The following MOGAT1 variants were observed in gnomAD, a reference collection of about 807,000 sequenced individuals.
The protein encoded by MOGAT1 is 2-acylglycerol O-acyltransferase 1.
Under a neutral mutation model 31.4 loss-of-function variants are expected in MOGAT1, and 32 were observed. That is an observed-to-expected ratio of 1.02 (90% CI 0.77 to 1.37). The LOEUF (loss-of-function observed/expected upper bound fraction) is 1.37. Ranked by LOEUF, MOGAT1 falls within the 40% of genes most tolerant of loss-of-function variation. The pLI is 0.00. For synonymous variants in MOGAT1, 145 were observed against 144.5 expected (o/e 1.00, Z -0.03); for missense variants, 426 against 402.0 (o/e 1.06, Z -0.51).
intron 1 of MOGAT1, among the ~76,000 whole-genome samples, chr2:222,684,758 G>T (rs1305258769): frequency 6.6e-6 from 1 of 151,988 alleles, no homozygotes; most frequent in African/African-American, 2.4e-5. Context: ...TGTATTTTTA[G>T]TAGAGACGGG....
At chr2:222,683,863 C>G (rs1692622832) in intron 1 of MOGAT1, among the ~76,000 whole-genome samples, 1 of 152,182 alleles carries the variant, frequency 6.6e-6, no homozygotes, top group Admixed American at 6.5e-5. Context: ...TAAATCAACC[C>G]AGCTAAAATT....
chr2:222,673,621 G>A (rs1228470283), intron 1 of MOGAT1, among the ~76,000 whole-genome samples: 1 of 152,166 alleles, frequency 6.6e-6, no homozygotes, highest in Admixed American at 6.5e-5. Context: ...TGGTAGAGCT[G>A]GTTTCAAACC....
intron 1 of MOGAT1, 74 bp downstream of exon 1, chr2:222,671,953 C>T (rs55654416): frequency 0.026 from 31,042 of 1,215,182 alleles, 1,030 homozygotes; most frequent in African/African-American, 0.15. Context: ...ATTCCAGGAC[C>T]TGCATAGAAC....
intron 1 of MOGAT1, among the ~76,000 whole-genome samples, chr2:222,676,325 A>G (rs1692497183): frequency 6.6e-6 from 1 of 151,658 alleles, no homozygotes; most frequent in Admixed American, 6.6e-5. Flanking sequence ...ATTAGTTTGC[A>G]TTTTCTAGAG....
At chr2:222,702,864 C>T (rs1692946800) in intron 5 of MOGAT1, among the ~76,000 whole-genome samples, 1 of 149,752 alleles carries the variant, frequency 6.7e-6, no homozygotes, top group African/African-American at 2.4e-5. Context: ...AAACAAAAAA[C>T]TGACTAAGTA....
chr2:222,686,999 C>T (rs1362407209), intron 1 of MOGAT1, among the ~76,000 whole-genome samples: 3 of 150,422 alleles, frequency 2.0e-5, no homozygotes, highest in Non-Finnish European at 4.4e-5. Flanking sequence ...CTATAATCCT[C>T]GCTACCTGGA....
At chr2:222,691,111 C>T (rs76770269) in intron 3 of MOGAT1, among the ~76,000 whole-genome samples, 2,932 of 152,228 alleles carry the variant, frequency 0.019, 67 homozygotes, top group African/African-American at 0.054. Flanking sequence ...CCGTATAGTG[C>T]CCCTACAGCC....
At chr2:222,707,417 G>A (rs1693022229) in intron 5 of MOGAT1, among the ~76,000 whole-genome samples, 1 of 151,296 alleles carries the variant, frequency 6.6e-6, no homozygotes, top group Non-Finnish European at 1.5e-5. Flanking sequence ...AGGGAGGGAA[G>A]GGAGGGAAGG....
chr2:222,689,982 C>T (rs1162807604), intron 3 of MOGAT1, among the ~76,000 whole-genome samples: 3 of 151,810 alleles, frequency 2.0e-5, no homozygotes, highest in Admixed American at 6.5e-5. Flanking sequence ...AGGCCGGGCG[C>T]GGTGGCTCAC....
chr2:222,698,397 G>C (rs181379295), intron 5 of MOGAT1, among the ~76,000 whole-genome samples: 58 of 152,304 alleles, frequency 3.8e-4, no homozygotes, highest in African/African-American at 1.3e-3. Context: ...AGATTTCTGA[G>C]GCTGGTTGGT....
At chr2:222,689,138 C>T in intron 2 of MOGAT1, 127 bp from the exon 3 acceptor site, 1 of 818,096 alleles carries the variant, frequency 1.2e-6, no homozygotes, top group Non-Finnish European at 1.9e-6. Flanking sequence ...ACAGCTCCAA[C>T]CCAGGGAACA....
intron 1 of MOGAT1, among the ~76,000 whole-genome samples, chr2:222,672,352 C>T (rs1320590753): frequency 1.3e-5 from 2 of 152,156 alleles, no homozygotes; most frequent in Admixed American, 6.5e-5. Context: ...AGCAGTGTTC[C>T]CTTTCCCGTT....
chr2:222,694,313 A>C, intron 3 of MOGAT1, 49 bp from the exon 4 acceptor site: 1 of 1,458,994 alleles, frequency 6.9e-7, no homozygotes, highest in Non-Finnish European at 9.3e-7. Context: ...AAAACATTGT[A>C]ATATTGTTAG....
chr2:222,698,172 C>T (rs779814314), intron 5 of MOGAT1, among the ~76,000 whole-genome samples: 4 of 152,192 alleles, frequency 2.6e-5, no homozygotes, highest in African/African-American at 7.2e-5. Context: ...ATTCCTTGTG[C>T]ATTTGGTAGT....
intron 5 of MOGAT1, chr2:222,698,827 C>T (rs549679332): frequency 6.6e-6 from 1 of 152,378 alleles, no homozygotes; most frequent in East Asian, 1.9e-4. Flanking sequence ...GAGTTCCGTC[C>T]TTCCATAGCC....
chr2:222,709,119 C>T (rs1693073646), intron 5 of MOGAT1, among the ~76,000 whole-genome samples: 1 of 152,136 alleles, frequency 6.6e-6, no homozygotes, highest in Admixed American at 6.5e-5. Flanking sequence ...TCAAGACCAG[C>T]CTGGCCAACA....
chr2:222,677,576 C>G (rs1692518071), intron 1 of MOGAT1: 1 of 183,002 alleles, frequency 5.5e-6, no homozygotes, highest in Admixed American at 6.2e-5. Context: ...GATCATTTGT[C>G]TAAGGCTAGA....
At chr2:222,699,490 C>CTTTTTTTTTTTTTT (rs1159264071) in intron 5 of MOGAT1, 1 of 77,680 alleles carries the variant, frequency 1.3e-5, no homozygotes, top group Admixed American at 1.9e-4. Context: ...GGAGATATTT[C>CTTTTTTTTTTTTTT]TTTTTTTTTT....
chr2:222,679,377 C>A (rs11692810), intron 1 of MOGAT1, among the ~76,000 whole-genome samples: 90,759 of 151,556 alleles, frequency 0.6, 28,334 homozygotes, highest in Middle Eastern at 0.77. Flanking sequence ...GATTATTCCA[C>A]GTCCTTATCA....
Sources: gnomAD v4.1 joint callset for allele counts (sites outside exome capture counted in the v4.1 genomes callset) on GRCh38, gnomAD v4.1.1 for gene constraint, MANE v1.5 for transcripts, NCBI Gene and HGNC (gene_info 2026-07-23, HGNC 2026-07-21) for gene names.